The following VPS13C variants were observed in gnomAD, a reference collection of about 807,000 sequenced individuals.
VPS13C encodes intermembrane lipid transfer protein VPS13C.
Under a neutral mutation model 456.8 loss-of-function variants are expected in VPS13C, and 358 were observed. That is an observed-to-expected ratio of 0.78 (90% CI 0.72 to 0.86). The LOEUF (loss-of-function observed/expected upper bound fraction) is 0.86, where lower values mean the gene tolerates loss of function less well. Ranked by LOEUF, VPS13C falls within the 40% of genes least tolerant of loss-of-function variation. The pLI is 0.00. For missense variants in VPS13C, 4,818 were observed against 4,385.4 expected, an observed-to-expected ratio of 1.10 and a Z score of -2.79; for synonymous variants, 1,578 against 1,486.7, an observed-to-expected ratio of 1.06 and a Z score of -1.41.
intron 66 of VPS13C, among the ~76,000 whole-genome samples, chr15:61,898,357 C>G (rs1477480173): frequency 2.0e-5 from 3 of 151,846 alleles, no homozygotes; most frequent in Non-Finnish European, 4.4e-5. Context: ...TCAGGAAACC[C>G]ATCTCACGTG....
At chr15:61,963,726 G>C (rs1311355647) in intron 32 of VPS13C, 109 bp downstream of exon 32, 1 of 766,862 alleles carries the variant, frequency 1.3e-6, no homozygotes, top group Non-Finnish European at 2.2e-6. Context: ...GTCTTTTCAG[G>C]TTTCACAGCT....
intron 61 of VPS13C, among the ~76,000 whole-genome samples, chr15:61,915,165 G>A (rs1347921874): frequency 6.6e-6 from 1 of 152,118 alleles, no homozygotes; most frequent in Non-Finnish European, 1.5e-5. Flanking sequence ...GAAATGTGTG[G>A]TGAGGGATAC....
intron 1 of VPS13C, among the ~76,000 whole-genome samples, chr15:62,046,302 G>T (rs902430978): frequency 6.6e-6 from 1 of 152,140 alleles, no homozygotes; most frequent in African/African-American, 2.4e-5. Context: ...AGGCAGAATT[G>T]ACAGGATATC....
Position 61,910,308 on chromosome 15 carries a change from A to G in VPS13C, c.8716-3T>C. The G allele has an allele frequency of 6.6e-7, 1 of 1,512,018 alleles. No homozygotes were observed. Among genetic ancestry groups the G allele is most frequent in the Non-Finnish European group, 8.9e-7 (1 of 1,123,818 alleles). 93.7% of individuals were successfully genotyped at this position (1,512,018 alleles called of 1,614,324 possible). On this transcript the variant is annotated splice_polypyrimidine_tract_variant and splice_region_variant and intron_variant, in intron 63 of 84. Coordinates refer to ENST00000644861, the MANE Select transcript of VPS13C (RefSeq NM_020821.3). Reference sequence around the variant, plus strand: ...CTTTCTGGCCAAAATGGAAGGCACTAAAAATATAGAAGTTATTATCAGTCT... The same window carrying G: ...CTTTCTGGCCAAAATGGAAGGCACTGAAAATATAGAAGTTATTATCAGTCT...
intron 20 of VPS13C, 119 bp downstream of exon 20, chr15:61,983,701 A>G: frequency 8.7e-7 from 1 of 1,148,070 alleles, no homozygotes. Context: ...AGAAAAACCT[A>G]TTAGGAAACT....
chr15:61,890,528 C>A, intron 66 of VPS13C, 128 bp from the exon 67 acceptor site: 2 of 759,786 alleles, frequency 2.6e-6, no homozygotes, highest in Non-Finnish European at 4.2e-6. Flanking sequence ...TTCTAACCAT[C>A]AAAATGACAT....
chr15:61,894,667 G>T (rs374979750), intron 66 of VPS13C, among the ~76,000 whole-genome samples: 2 of 152,088 alleles, frequency 1.3e-5, no homozygotes, highest in African/African-American at 4.8e-5. Flanking sequence ...TGATAAAGAG[G>T]TCAATTCAGA....
In VPS13C at chr15:61,936,620, G is replaced by A; in HGVS notation, c.5732C>T (p.Ser1911Leu). ...ETVRVRKVDV[S>L]SVPDHLKEQE... ...ACCTTTGAGATGGTCAGGTACACTT[G>A]AAACATCAACTTTTCTCACTCTTAC... is the stretch of plus-strand genomic sequence containing the variant. The change falls in exon 48 of 85, where the codon TCA becomes TTA. Residue 1911 changes from serine to leucine, a missense_variant. By Grantham distance (145) the Ser-to-Leu change is moderately radical. Around this residue, in one of 3 missense-constraint regions of VPS13C, gnomAD observed 4,552 missense variants for 4,130.6 expected, o/e 1.10. Coordinates refer to ENST00000644861, the MANE Select transcript of VPS13C (RefSeq NM_020821.3). 4.4e-6 allele frequency: 7 copies of A among 1,582,942 alleles called. No individual in the cohort carries two copies. Among genetic ancestry groups the A allele is most frequent in the Non-Finnish European group, 6.0e-6 (7 of 1,168,004 alleles).
intron 73 of VPS13C, 137 bp from the exon 74 acceptor site, chr15:61,878,883 C>T (rs1036679587): frequency 2.8e-5 from 24 of 867,196 alleles, no homozygotes; most frequent in Non-Finnish European, 3.4e-5. Context: ...TGATACCACA[C>T]ATTATAGCAG....
At chr15:61,935,217 C>T (rs2044186808) in intron 48 of VPS13C, among the ~76,000 whole-genome samples, 1 of 152,144 alleles carries the variant, frequency 6.6e-6, no homozygotes, top group Non-Finnish European at 1.5e-5. Flanking sequence ...TCAGTCTTTT[C>T]TCTCATCTTT....
intron 28 of VPS13C, among the ~76,000 whole-genome samples, chr15:61,968,014 C>T (rs1490875306): frequency 6.6e-6 from 1 of 151,926 alleles, no homozygotes; most frequent in Non-Finnish European, 1.5e-5. Context: ...CCCTTGACTT[C>T]CAAGGGCATA....
chr15:61,984,252 T>C (rs1403655766), intron 19 of VPS13C, among the ~76,000 whole-genome samples: 2 of 144,360 alleles, frequency 1.4e-5, no homozygotes, highest in Non-Finnish European at 3.2e-5. Flanking sequence ...TTCAACCAAC[T>C]TTAGAATACT....
At chr15:61,944,966 C>G (rs913655980) in intron 45 of VPS13C, among the ~76,000 whole-genome samples, 12 of 152,120 alleles carry the variant, frequency 7.9e-5, no homozygotes, top group African/African-American at 2.9e-4. Flanking sequence ...GAATTGTAAT[C>G]CCCAGGTGTC....
At chr15:61,903,781 A>G (rs1308759368) in intron 66 of VPS13C, among the ~76,000 whole-genome samples, 1 of 152,196 alleles carries the variant, frequency 6.6e-6, no homozygotes, top group Non-Finnish European at 1.5e-5. Flanking sequence ...GCAGTAGCAT[A>G]AAAACAGACC....
chr15:61,991,642 T>C (rs755667202), intron 17 of VPS13C, 31 bp downstream of exon 17: 6 of 1,600,754 alleles, frequency 3.7e-6, no homozygotes, highest in Non-Finnish European at 4.3e-6. Flanking sequence ...AACTTAACAC[T>C]GTACAATAAG....
At chr15:62,005,893 G>A (rs558409233) in intron 15 of VPS13C, among the ~76,000 whole-genome samples, 158 of 150,754 alleles carry the variant, frequency 1.0e-3, no homozygotes, top group African/African-American at 3.6e-3. Context: ...TAGTAGAGAC[G>A]GGGTTTCATC....
chr15:61,987,453 G>T (rs2046090171), intron 18 of VPS13C, among the ~76,000 whole-genome samples: 1 of 152,200 alleles, frequency 6.6e-6, no homozygotes, highest in Non-Finnish European at 1.5e-5. Context: ...GAGAGCTTGT[G>T]CAGGGGAACT....
chr15:61,902,884 GAA>G (rs71125957), intron 66 of VPS13C, among the ~76,000 whole-genome samples: 70 of 128,326 alleles, frequency 5.5e-4, no homozygotes, highest in East Asian at 1.6e-3. Context: ...ATCCAAATTT[GAA>G]AAAAAAAAAA....
chr15:62,059,814 A>G (rs966865918), intron 1 of VPS13C, among the ~76,000 whole-genome samples: 4 of 152,250 alleles, frequency 2.6e-5, no homozygotes, highest in Non-Finnish European at 5.9e-5. Flanking sequence ...TGCTCCCTGT[A>G]AAATGATAGT....
Sources: allele counts gnomAD v4.1 joint callset (sites outside exome capture counted in the v4.1 genomes callset), GRCh38; gene constraint gnomAD v4.1.1; regional missense constraint gnomAD v4.1.1; transcripts MANE v1.5; gene names NCBI Gene and HGNC (gene_info 2026-07-23, HGNC 2026-07-21).